The following FLT3 variants were observed in gnomAD, a reference collection of about 807,000 sequenced individuals.
FLT3 encodes the protein receptor-type tyrosine-protein kinase FLT3.
In FLT3, 46 loss-of-function variants were observed where a neutral mutation model predicts 126.6. The ratio of observed to expected loss-of-function variants is 0.36; its 90% CI spans 0.29 to 0.46. FLT3 has a LOEUF of 0.46. FLT3 is among the 20% of genes least tolerant of loss of function. The probability of loss-of-function intolerance (pLI) is 1.00; values close to 1 mark genes in which losing one functional copy is unlikely to be tolerated. For synonymous variants in FLT3, 404 were observed against 434.4 expected, an observed-to-expected ratio of 0.93 and a Z score of 0.87; for missense variants, 1,069 against 1,190.3, an observed-to-expected ratio of 0.90 and a Z score of 1.50.
At chr13:28,015,527 G>GGGCC in intron 21 of FLT3, 63 bp downstream of exon 21, 1 of 644,480 alleles carries the variant, frequency 1.6e-6, no homozygotes, top group Non-Finnish European at 2.8e-6. Flanking sequence ...GGGTGGGGCG[G>GGGCC]CACCGAGAGA....
chr13:28,049,368 G>A lies in FLT3; in HGVS notation c.1036+16C>T. ...CTAAAAATAGGAATAAAGATTGTGT[G>A]AGCAGCCTGCATTACCTACGATGGT... On this transcript the variant is annotated intron_variant, in intron 8 of 23. Transcript: ENST00000241453. 1.9e-6 allele frequency: 3 copies of A among 1,608,054 alleles called. No homozygotes were observed. The highest frequency in any genetic ancestry group is 2.5e-6 in the Non-Finnish European group (3 of 1,176,918).
At position 28,003,839 on chromosome 13, in the gene FLT3, T is replaced by C; in HGVS notation, c.*213A>G. 1.7e-6 allele frequency: 1 copy of C among 582,352 alleles called. No homozygotes were observed. Among genetic ancestry groups the C allele is most frequent in the Non-Finnish European group, 3.0e-6 (1 of 331,846 alleles). The allele number at this position is 582,352 out of a possible 1,614,324, so 36.1% of individuals were successfully genotyped here. On this transcript the variant is annotated 3_prime_UTR_variant, in exon 24 of 24. Coordinates refer to ENST00000241453, the MANE Select transcript of FLT3 (RefSeq NM_004119.3). Reference sequence around the variant, plus strand: ...AGATCAATGCTCCAATAAAGTTCATTATCAGCTCCTCCTGCCTTGTGACAG... The same window carrying C: ...AGATCAATGCTCCAATAAAGTTCATCATCAGCTCCTCCTGCCTTGTGACAG...
intron 5 of FLT3, among the ~76,000 whole-genome samples, chr13:28,051,535 C>A (rs1342201046): frequency 7.0e-6 from 1 of 143,830 alleles, no homozygotes; most frequent in African/African-American, 2.6e-5. Flanking sequence ...CTGTGCCCAG[C>A]CTATAATTTC....
At chr13:28,026,641 TG>T (rs1388442543) in intron 17 of FLT3, among the ~76,000 whole-genome samples, 68 of 151,192 alleles carry the variant, frequency 4.5e-4, no homozygotes, top group African/African-American at 1.7e-3. Context: ...CCCCATCACG[TG>T]TCGATCAATC....
At chr13:28,097,222 AAGAAAAAG>A (rs1340010679) in intron 1 of FLT3, among the ~76,000 whole-genome samples, 1 of 141,596 alleles carries the variant, frequency 7.1e-6, no homozygotes, top group African/African-American at 3.1e-5. Context: ...GAAAGAAAGA[AAGAAAAAG>A]AAAGAAAGAA....
chr13:28,048,585 C>T, intron 8 of FLT3, 142 bp from the exon 9 acceptor site: 3 of 616,082 alleles, frequency 4.9e-6, no homozygotes, highest in Non-Finnish European at 8.4e-6. Flanking sequence ...TTGGATAATC[C>T]AAGTGAAAAC....
intron 23 of FLT3, among the ~76,000 whole-genome samples, chr13:28,009,805 T>G (rs551926594): frequency 1.3e-5 from 2 of 152,236 alleles, no homozygotes; most frequent in South Asian, 4.1e-4. Context: ...CAATCTATGT[T>G]TGTGCCTCAG....
intron 1 of FLT3, among the ~76,000 whole-genome samples, chr13:28,099,422 A>G (rs1879677779): frequency 6.6e-6 from 1 of 152,228 alleles, no homozygotes; most frequent in African/African-American, 2.4e-5. Context: ...TTTATATTTC[A>G]GAATTATTTG....
chr13:28,048,809 AG>A (rs1344329365), intron 8 of FLT3, among the ~76,000 whole-genome samples: 2 of 152,198 alleles, frequency 1.3e-5, no homozygotes. Flanking sequence ...AATATTCACG[AG>A]GTTGCCTTAT....
At chr13:28,026,248 G>T (rs1872786280) in intron 17 of FLT3, among the ~76,000 whole-genome samples, 1 of 151,444 alleles carries the variant, frequency 6.6e-6, no homozygotes, top group African/African-American at 2.4e-5. Flanking sequence ...TACTCGGGAG[G>T]CTGAGGCAAG....
rs1566059837 is a variant in FLT3, at chr13:28,018,311, A to G, written c.2541+156T>C. On this transcript the variant is annotated intron_variant, in intron 20 of 23. Transcript: ENST00000241453. ...TAGATGGAAGATTCCCTGAAGCTGC[A>G]GAAAAACCTTTTAAGCATAAGTAAG... The G allele has an allele frequency of 5.4e-6, 4 of 739,872 alleles. No individual in the cohort carries two copies. In the East Asian group the frequency reaches 1.1e-4, roughly 21 times the overall value. 45.8% of individuals were successfully genotyped at this position (739,872 alleles called of 1,614,324 possible). A position where few individuals can be genotyped will look rare whatever the true frequency, so the allele number is the denominator to read the frequency against.
At chr13:28,032,458 A>T (rs965779346) in intron 15 of FLT3, among the ~76,000 whole-genome samples, 2 of 152,102 alleles carry the variant, frequency 1.3e-5, no homozygotes, top group African/African-American at 4.8e-5. Context: ...AAAAATACAA[A>T]AATTAGCCAG....
rs1872087434 is a variant in FLT3 at position 28,018,493 on chromosome 13, C to T, written c.2515G>A (p.Asp839Asn). 1 of 1,614,010 alleles carries T rather than the reference C, an allele frequency of 6.2e-7. No individual in the cohort carries two copies. Residue 839 changes from aspartate (D) to asparagine (N), a missense_variant, in exon 20 of 24, where the codon GAT (aspartate) becomes AAT (asparagine). By Grantham distance (23) the Asp-to-Asn change is conservative. Coordinates refer to ENST00000241453, the MANE Select transcript of FLT3 (RefSeq NM_004119.3). ...DFGLARDIMS[D>N]SNYVVRGNAR... ...TTGCCCCTGACAACATAGTTGGAAT[C>T]ACTCATGATATCTCGAGCCAATCCA...
In FLT3 at chr13:28,050,086, T is replaced by C. The variant is rs766845230; in HGVS notation, c.742+9A>G. 5.1e-5 allele frequency: 83 copies of C among 1,613,684 alleles called. 3 individuals carry two copies. The South Asian group carries it at 7.4e-4, about 14-fold the overall frequency. ...CTGAAAATGAAAGTGCATGATATTA[T>C]AGTGTTACCTATTGTGAACAGCCTG... is the stretch of plus-strand genomic sequence containing the variant. On this transcript the variant is annotated intron_variant, in intron 6 of 23. Coordinates refer to ENST00000241453, the MANE Select transcript of FLT3 (RefSeq NM_004119.3).
intron 3 of FLT3, among the ~76,000 whole-genome samples, chr13:28,058,019 A>C (rs1876164649): frequency 6.6e-6 from 1 of 151,708 alleles, no homozygotes; most frequent in Admixed American, 6.6e-5. Context: ...AGCCTGGGTG[A>C]CAAGAGTGAA....
At chr13:28,016,666 G>A (rs982175053) in intron 20 of FLT3, among the ~76,000 whole-genome samples, 2 of 152,122 alleles carry the variant, frequency 1.3e-5, no homozygotes, top group African/African-American at 4.8e-5. Flanking sequence ...TTAAATGTAT[G>A]CAAACTGATG....
chr13:28,067,238 G>C (rs751235192), intron 2 of FLT3, among the ~76,000 whole-genome samples: 4 of 152,138 alleles, frequency 2.6e-5, no homozygotes, highest in Non-Finnish European at 5.9e-5. Flanking sequence ...GGCCAGGCTG[G>C]TCTCGAACTC....
In FLT3 at chr13:28,091,261, G is replaced by GC. The variant is rs1433279044; in HGVS notation, c.43+9206dup. 2.8e-5 allele frequency among the ~76,000 whole-genome samples: 3 copies of GC among 106,376 alleles called. No homozygotes were observed. The East Asian group carries it at 9.2e-4, about 33-fold the overall frequency. The allele number at this position is 106,376 out of a possible 152,430, so 69.8% of individuals were successfully genotyped here. On this transcript the variant is annotated intron_variant, in intron 1 of 23. Transcript: ENST00000241453. ...TTTTGAGACGGAGTCTCGCTCTGTC[G>GC]CCCAGGCTGGAGTGCAGTGGCGCGA...
Position 28,035,948 on chromosome 13 carries a change from C to T in FLT3, c.1405G>A (p.Asp469Asn), listed in dbSNP as rs1456822722. The T allele has an allele frequency of 1.9e-6, 3 of 1,613,332 alleles. No homozygotes were observed. The South Asian group carries it at 3.3e-5, about 18-fold the overall frequency. The change falls in exon 11 of 24, where the codon GAC becomes AAC. Residue 469 changes from aspartate (D) to asparagine (N), a missense_variant. Physicochemically the swap from Asp to Asn is conservative, Grantham distance 23. Transcript: ENST00000241453. ...TGTCCTTATTACTTGGGAGACTTGT[C>T]TGAACACTTCTTCCAGGTCCAAGAT... Reference protein sequence around the residue: ...LPSWTWKKCSDKSPNCTEEIT... With the variant: ...LPSWTWKKCSNKSPNCTEEIT...
Sources: gnomAD v4.1 joint callset for allele counts (sites outside exome capture counted in the v4.1 genomes callset) on GRCh38, gnomAD v4.1.1 for gene constraint, MANE v1.5 for transcripts, NCBI Gene and HGNC (gene_info 2026-07-23, HGNC 2026-07-21) for gene names.